PIK3CD: variants seen among roughly 807,000 people sequenced by gnomAD.
PIK3CD encodes phosphatidylinositol 4,5-bisphosphate 3-kinase catalytic subunit delta isoform.
Under a neutral mutation model 122.9 loss-of-function variants are expected in PIK3CD, and 20 were observed. The observed-to-expected ratio is 0.16, with a 90% CI of 0.11 to 0.24. PIK3CD has a LOEUF of 0.24. PIK3CD is among the 10% of genes least tolerant of loss of function. PIK3CD has a pLI of 1.00. For synonymous variants in PIK3CD, 596 were observed against 593.4 expected (o/e 1.00, Z -0.06); for missense variants, 787 against 1,406.3 (o/e 0.56, Z 7.04).
chr1:9,695,696 G>T (rs981045493), intron 2 of PIK3CD, among the ~76,000 whole-genome samples: 1 of 151,970 alleles, frequency 6.6e-6, no homozygotes, highest in Non-Finnish European at 1.5e-5. Flanking sequence ...ACAAAAATTA[G>T]CTGGGCGTGG....
chr1:9,635,435 G>A, the PIK3CD span, among the ~76,000 whole-genome samples: 1 of 151,980 alleles, frequency 6.6e-6, no homozygotes, highest in African/African-American at 2.4e-5. Context: ...GTCCTTTTGA[G>A]GGCAAAAGAG....
chr1:9,647,859 A>G (rs1188158781), upstream of PIK3CD, among the ~76,000 whole-genome samples: 1 of 152,144 alleles, frequency 6.6e-6, no homozygotes, highest in East Asian at 1.9e-4. Context: ...ACACAGTCAG[A>G]GTGTTTATGG....
chr1:9,681,710 C>T lies in PIK3CD; in HGVS notation c.-137-9757C>T, dbSNP rs180838681. ...CAGGTGTGAGCTACCAAACCTGGCC[C>T]GGATTCTTTTATAATCTAATGTTAA... On this transcript the variant is annotated intron_variant, in intron 1 of 23. Coordinates refer to ENST00000377346, the MANE Select transcript of PIK3CD (RefSeq NM_005026.5). 3.0e-3 allele frequency among the ~76,000 whole-genome samples: 450 copies of T among 152,248 alleles called. 2 individuals carry two copies. The highest frequency in any genetic ancestry group is 0.01 in the African/African-American group (430 of 41,540).
chr1:9,727,357 T>C lies in PIK3CD; in HGVS notation c.*311T>C. ...CTGGGCCCAGCAAAGACTGTTCTCC[T>C]CCCGAGGGAACCTTCTTCCCAGGCC... On this transcript the variant is annotated 3_prime_UTR_variant, in exon 24 of 24. Coordinates refer to ENST00000377346, the MANE Select transcript of PIK3CD (RefSeq NM_005026.5). The C allele has an allele frequency of 2.2e-6, 1 of 462,766 alleles. No individual in the cohort carries two copies. The highest frequency in any genetic ancestry group is 2.1e-5 in the South Asian group (1 of 47,352). 28.7% of individuals were successfully genotyped at this position (462,766 alleles called of 1,614,324 possible). A position where few individuals can be genotyped will look rare whatever the true frequency, so the allele number is the denominator to read the frequency against.
chr1:9,702,735 G>A (rs957402578), intron 2 of PIK3CD, among the ~76,000 whole-genome samples: 3 of 151,470 alleles, frequency 2.0e-5, no homozygotes, highest in African/African-American at 7.3e-5. Flanking sequence ...TGGTCAGGCT[G>A]GTTTCGAACT....
chr1:9,635,406 C>T, the PIK3CD span, among the ~76,000 whole-genome samples: 3 of 152,040 alleles, frequency 2.0e-5, no homozygotes, highest in Non-Finnish European at 2.9e-5. Context: ...TCTGCATATC[C>T]GCTCCTCTGA....
At chr1:9,701,492 C>A (rs1040675916) in intron 2 of PIK3CD, among the ~76,000 whole-genome samples, 4 of 151,938 alleles carry the variant, frequency 2.6e-5, no homozygotes, top group African/African-American at 4.8e-5. Context: ...GCCAACATGG[C>A]AAAACCCTGT....
chr1:9,633,753 G>A, the PIK3CD span, among the ~76,000 whole-genome samples: 1 of 152,184 alleles, frequency 6.6e-6, no homozygotes, highest in South Asian at 2.1e-4. Context: ...TCATCGTCTG[G>A]CTTGGGATAG....
In PIK3CD at chr1:9,722,812, C is replaced by T. The variant is rs1198053638; in HGVS notation, c.2426+206C>T. On this transcript the variant is annotated intron_variant, in intron 19 of 23. Coordinates refer to ENST00000377346, the MANE Select transcript of PIK3CD (RefSeq NM_005026.5). This position sits in a 1 kb window ranked among gnomAD's most constrained non-coding sequence, Gnocchi z 7.6. ...GGCTGCTCCTGAGGCTTAGTGTGTACCCTGCTCTGTTGCTTTAGTTGCCCA... is the reference window on the plus strand; with the variant it reads ...GGCTGCTCCTGAGGCTTAGTGTGTATCCTGCTCTGTTGCTTTAGTTGCCCA... Among the ~76,000 whole-genome samples the T allele has an allele frequency of 6.6e-6, 1 of 152,136 alleles. No homozygotes were observed. The highest frequency in any genetic ancestry group is 1.5e-5 in the Non-Finnish European group (1 of 68,016).
At chr1:9,669,799 C>G (rs1645268144) in intron 1 of PIK3CD, among the ~76,000 whole-genome samples, 1 of 152,134 alleles carries the variant, frequency 6.6e-6, no homozygotes, top group Non-Finnish European at 1.5e-5. Context: ...CTCAAATGAA[C>G]TACTTCATGA....
rs550296758 is a variant in PIK3CD at position 9,718,125 on chromosome 1, C to T, written c.1020+499C>T. ...GCCTGCAGTCATGGGCTTTATTGTC[C>T]TGTTTGCTGGACATGATACCTGAGT... On this transcript the variant is annotated intron_variant, in intron 8 of 23. Coordinates refer to ENST00000377346, the MANE Select transcript of PIK3CD (RefSeq NM_005026.5). The surrounding 1 kb of genome is among the most constrained non-coding windows in gnomAD (Gnocchi z 7.2). 48 of 463,940 alleles carry T rather than the reference C, an allele frequency of 1.0e-4. No individual in the cohort carries two copies. The highest frequency in any genetic ancestry group is 1.7e-4 in the Non-Finnish European group (40 of 232,372). 28.7% of individuals were successfully genotyped at this position (463,940 alleles called of 1,614,324 possible).
intron 1 of PIK3CD, chr1:9,654,539 G>A (rs1468964445): frequency 3.2e-5 from 20 of 626,068 alleles, no homozygotes; most frequent in Admixed American, 3.0e-4. Flanking sequence ...GGTGGGAGTG[G>A]GGATGGTGAG....
intron 1 of PIK3CD, among the ~76,000 whole-genome samples, chr1:9,657,815 G>C (rs1461633814): frequency 2.0e-5 from 3 of 152,114 alleles, no homozygotes; most frequent in African/African-American, 7.2e-5. Context: ...ACACTGCTCT[G>C]TTCCCACCTC....
At chr1:9,627,310 G>T in the PIK3CD span, among the ~76,000 whole-genome samples, 2 of 152,264 alleles carry the variant, frequency 1.3e-5, no homozygotes, top group Admixed American at 1.3e-4. Context: ...CTCCGTGGCG[G>T]CCTCTTTGCC....
At position 9,700,641 on chromosome 1, in the gene PIK3CD, C is replaced by T. The variant is rs556476762; in HGVS notation, c.-33+9070C>T. The stretch of plus-strand genomic sequence containing the variant: ...CCGTCTCACCTGCCCCTCCCCGGCT[C>T]CACATCTGTCTGTAGCCTGCTGACT... On this transcript the variant is annotated intron_variant, in intron 2 of 23. Coordinates refer to ENST00000377346, the MANE Select transcript of PIK3CD (RefSeq NM_005026.5). The surrounding 1 kb of genome is among the most constrained non-coding windows in gnomAD (Gnocchi z 5.1). Among the ~76,000 whole-genome samples, 14 of 152,238 alleles carry T rather than the reference C, an allele frequency of 9.2e-5. No homozygotes were observed. Among genetic ancestry groups the T allele is most frequent in the Non-Finnish European group, 1.6e-4 (11 of 68,010 alleles).
the PIK3CD span, among the ~76,000 whole-genome samples, chr1:9,638,620 T>A: frequency 1.3e-5 from 2 of 150,158 alleles, no homozygotes. Flanking sequence ...TAGTCCCAGC[T>A]ACTTGGGAGG....
Position 9,717,853 on chromosome 1 carries a change from G to A in PIK3CD, c.1020+227G>A, listed in dbSNP as rs75175100. ...TTCGTAGAAACTTGGGCCAAGCAGC[G>A]TTCTGGGTATTTGACTTTGGTGGAG... is the stretch of plus-strand genomic sequence containing the variant. On this transcript the variant is annotated intron_variant, in intron 8 of 23. Coordinates refer to ENST00000377346, the MANE Select transcript of PIK3CD (RefSeq NM_005026.5). This position sits in a 1 kb window ranked among gnomAD's most constrained non-coding sequence, Gnocchi z 5.4. Among the ~76,000 whole-genome samples, 10 of 152,194 alleles carry A rather than the reference G, an allele frequency of 6.6e-5. No individual in the cohort carries two copies. Among genetic ancestry groups the A allele is most frequent in the Non-Finnish European group, 8.8e-5 (6 of 68,032 alleles).
chr1:9,643,128 G>A, the PIK3CD span, among the ~76,000 whole-genome samples: 8 of 150,606 alleles, frequency 5.3e-5, no homozygotes, highest in African/African-American at 1.7e-4. Context: ...AGAAGGAAAG[G>A]CCAGGCATGG....
chr1:9,688,190 C>A (rs567722912), intron 1 of PIK3CD: 1 of 152,252 alleles, frequency 6.6e-6, no homozygotes, highest in Admixed American at 6.5e-5. Context: ...CTTGACCTCA[C>A]GTGCAGCAAT....
Sources: allele counts gnomAD v4.1 joint callset (sites outside exome capture counted in the v4.1 genomes callset), GRCh38; gene constraint gnomAD v4.1.1; non-coding constraint Gnocchi (gnomAD v3.1); transcripts MANE v1.5; gene names NCBI Gene and HGNC (gene_info 2026-07-23, HGNC 2026-07-21).